SNX25: variants seen among roughly 807,000 people sequenced by gnomAD.
The protein encoded by SNX25 is sorting nexin-25.
SNX25 carries 62 observed loss-of-function variants against 113.7 expected under a neutral mutation model. The observed-to-expected ratio is 0.55, with a 90% CI of 0.44 to 0.67. The LOEUF (loss-of-function observed/expected upper bound fraction) is 0.67, where lower values mean the gene tolerates loss of function less well. Among genes scored for constraint, SNX25 ranks in the 30% least tolerant of loss-of-function variants. SNX25 has a pLI of 0.00. For missense variants in SNX25, 1,014 were observed against 1,161.0 expected (o/e 0.87, Z 1.84); for synonymous variants, 421 against 436.2 (o/e 0.97, Z 0.43).
chr4:185,241,397 A>T (rs1743972540), intron 1 of SNX25, among the ~76,000 whole-genome samples: 1 of 149,416 alleles, frequency 6.7e-6, no homozygotes, highest in African/African-American at 2.4e-5. Flanking sequence ...AGAATCAGGC[A>T]GGGAGGTTGC....
chr4:185,360,811 C>T (rs1020353027), intron 16 of SNX25, among the ~76,000 whole-genome samples: 13 of 151,934 alleles, frequency 8.6e-5, no homozygotes, highest in African/African-American at 2.4e-4. Flanking sequence ...CCCAGATACT[C>T]GGGAGGCTGA....
At chr4:185,262,953 G>A (rs1002698473) in intron 3 of SNX25, among the ~76,000 whole-genome samples, 1 of 152,208 alleles carries the variant, frequency 6.6e-6, no homozygotes, top group Admixed American at 6.5e-5. Context: ...CCACTTTCTA[G>A]AGGACATCAT....
chr4:185,333,197 A>G (rs566325204), intron 10 of SNX25, among the ~76,000 whole-genome samples: 2 of 152,392 alleles, frequency 1.3e-5, no homozygotes, highest in South Asian at 2.1e-4. Context: ...AAAGTTTAAA[A>G]ATGTAAACAG....
chr4:185,342,213 G>A, intron 12 of SNX25, 97 bp downstream of exon 12: 5 of 1,334,618 alleles, frequency 3.7e-6, no homozygotes, highest in Non-Finnish European at 4.9e-6. Context: ...TTCCTTTGCT[G>A]TTGATACTGG....
At position 185,296,125 on chromosome 4, in the gene SNX25, A is replaced by G. The variant is rs577604256; in HGVS notation, c.1162+8043A>G. 228 of 152,266 alleles carry G rather than the reference A, an allele frequency of 1.5e-3. 1 individual carries two copies. The highest frequency in any genetic ancestry group is 5.2e-3 in the African/African-American group (215 of 41,564). 9.4% of individuals were successfully genotyped at this position (152,266 alleles called of 1,614,324 possible). A position where few individuals can be genotyped will look rare whatever the true frequency, so the allele number is the denominator to read the frequency against. ...TGTGTCTTGCATGATAGAAGGACAT[A>G]AGGGCCTAGCTAGTTCTCTCCAGCC... On this transcript the variant is annotated intron_variant, in intron 6 of 18. Transcript: ENST00000652585.
intron 10 of SNX25, among the ~76,000 whole-genome samples, chr4:185,338,272 C>A (rs1333628153): frequency 6.9e-6 from 1 of 144,996 alleles, no homozygotes; most frequent in African/African-American, 2.7e-5. Context: ...CCTCTATATT[C>A]TGTGTGTTTT....
intron 9 of SNX25, among the ~76,000 whole-genome samples, chr4:185,328,378 T>C (rs1386608402): frequency 6.6e-6 from 1 of 152,174 alleles, no homozygotes; most frequent in Non-Finnish European, 1.5e-5. Flanking sequence ...CTTTTTCTGT[T>C]TTCCCAAGGA....
At chr4:185,302,916 A>G (rs1753916491) in intron 6 of SNX25, among the ~76,000 whole-genome samples, 1 of 152,180 alleles carries the variant, frequency 6.6e-6, no homozygotes, top group Admixed American at 6.5e-5. Context: ...CCCTGCCTGA[A>G]GGTCTGTGGG....
At chr4:185,336,557 T>G (rs2095231093) in intron 10 of SNX25, among the ~76,000 whole-genome samples, 1 of 152,256 alleles carries the variant, frequency 6.6e-6, no homozygotes, top group African/African-American at 2.4e-5. Flanking sequence ...CATTTTCCAC[T>G]TGTTGATTAA....
At chr4:185,208,704 G>A (rs553464896), upstream of SNX25, among the ~76,000 whole-genome samples, 314 of 151,626 alleles carry the variant, frequency 2.1e-3, no homozygotes, top group Admixed American at 3.7e-3. Context: ...CTCCAGCCTG[G>A]GCAACAGAGA....
chr4:185,277,203 T>C (rs1261015603), intron 5 of SNX25, among the ~76,000 whole-genome samples: 1 of 152,152 alleles, frequency 6.6e-6, no homozygotes, highest in African/African-American at 2.4e-5. Flanking sequence ...TTTTATATTT[T>C]CAGTAGAAAC....
chr4:185,218,859 G>A (rs976633287), intron 1 of SNX25, among the ~76,000 whole-genome samples: 3 of 149,498 alleles, frequency 2.0e-5, no homozygotes, highest in Admixed American at 6.8e-5. Context: ...CTGTATATAC[G>A]GGTGAGTTTA....
At chr4:185,208,357 A>G (rs1737287214), upstream of SNX25, among the ~76,000 whole-genome samples, 1 of 152,144 alleles carries the variant, frequency 6.6e-6, no homozygotes, top group African/African-American at 2.4e-5. Flanking sequence ...CTGGTAACTT[A>G]TTTTGATCAT....
chr4:185,269,264 C>T (rs1305562439), intron 5 of SNX25, among the ~76,000 whole-genome samples: 1 of 151,938 alleles, frequency 6.6e-6, no homozygotes, highest in Admixed American at 6.6e-5. Flanking sequence ...ACTGTACGTA[C>T]ACACACACAC....
chr4:185,343,909 A>G (rs920608194), intron 12 of SNX25, among the ~76,000 whole-genome samples: 2 of 152,182 alleles, frequency 1.3e-5, no homozygotes, highest in African/African-American at 2.4e-5. Flanking sequence ...AGGAGTGGGC[A>G]AAATTCTTTC....
At chr4:185,372,849 C>T, downstream of SNX25, 1 of 1,589,520 alleles carries the variant, frequency 6.3e-7, no homozygotes. Context: ...CAGACAAAGA[C>T]ATTCACCTTT....
chr4:185,282,914 A>G (rs1750829101), intron 5 of SNX25, among the ~76,000 whole-genome samples: 1 of 152,212 alleles, frequency 6.6e-6, no homozygotes, highest in Non-Finnish European at 1.5e-5. Context: ...TAACTCTGGA[A>G]GCCCGTGTCC....
At position 185,334,482 on chromosome 4, in the gene SNX25, G is replaced by A. The variant is rs955748644; in HGVS notation, c.1914+1723G>A. ...CATTTACTACATACAGAACTCGAAA[G>A]CCTGATAGTCTTCCCAGTGACAAGA... On this transcript the variant is annotated intron_variant, in intron 10 of 18. Coordinates refer to ENST00000652585, the MANE Select transcript of SNX25 (RefSeq NM_001378034.2). The surrounding 1 kb of genome is among the most constrained non-coding windows in gnomAD (Gnocchi z 4.2). 2.0e-5 allele frequency among the ~76,000 whole-genome samples: 3 copies of A among 152,212 alleles called. No homozygotes were observed. Among genetic ancestry groups the A allele is most frequent in the Non-Finnish European group, 2.9e-5 (2 of 68,044 alleles).
At chr4:185,294,200 T>C in intron 6 of SNX25, among the ~76,000 whole-genome samples, 1 of 152,182 alleles carries the variant, frequency 6.6e-6, no homozygotes, top group East Asian at 1.9e-4. Context: ...TAAATGCAGC[T>C]CAAAACACTT....
Sources: allele counts gnomAD v4.1 joint callset (sites outside exome capture counted in the v4.1 genomes callset), GRCh38; gene constraint gnomAD v4.1.1; non-coding constraint Gnocchi (gnomAD v3.1); transcripts MANE v1.5; gene names NCBI Gene and HGNC (gene_info 2026-07-23, HGNC 2026-07-21).